The following KAZN variants were observed in gnomAD, a reference collection of about 807,000 sequenced individuals.
The protein encoded by KAZN is kazrin, periplakin interacting protein.
KAZN carries 40 observed loss-of-function variants against 87.4 expected under a neutral mutation model. The observed-to-expected ratio is 0.46, with a 90% CI of 0.36 to 0.60. KAZN has a LOEUF of 0.60. Ranked by LOEUF, KAZN falls within the 20% of genes least tolerant of loss-of-function variation. KAZN has a pLI of 0.00. For synonymous variants in KAZN, 466 were observed against 458.3 expected (o/e 1.02, Z -0.22); for missense variants, 898 against 1,073.9 (o/e 0.84, Z 2.29).
intron 2 of KAZN, among the ~76,000 whole-genome samples, chr1:14,446,276 C>T (rs74059516): frequency 0.028 from 4,336 of 152,192 alleles, 220 homozygotes; most frequent in African/African-American, 0.098. Flanking sequence ...ATTGGCCACA[C>T]ACAAAAAATT....
intron 2 of KAZN, among the ~76,000 whole-genome samples, chr1:14,990,569 C>G (rs1181565792): frequency 6.6e-6 from 1 of 152,130 alleles, no homozygotes; most frequent in Admixed American, 6.5e-5. Flanking sequence ...CACAGCCATG[C>G]CCATTTGTTT....
At chr1:14,855,875 G>T (rs996458193) in intron 1 of KAZN, among the ~76,000 whole-genome samples, 1 of 152,228 alleles carries the variant, frequency 6.6e-6, no homozygotes, top group African/African-American at 2.4e-5. Context: ...GTTTCCAGGG[G>T]AAAGAGAGGA....
chr1:14,003,283 T>C (rs529102407), intron 1 of KAZN, among the ~76,000 whole-genome samples: 16 of 151,904 alleles, frequency 1.1e-4, no homozygotes, highest in African/African-American at 3.4e-4. Flanking sequence ...TATACCTATG[T>C]AACAAACCTA....
At chr1:14,242,328 GA>G (rs1233456692) in intron 2 of KAZN, among the ~76,000 whole-genome samples, 1 of 152,162 alleles carries the variant, frequency 6.6e-6, no homozygotes, top group Non-Finnish European at 1.5e-5. Context: ...GCAAGAGGGT[GA>G]CCCCAGAGAG....
chr1:14,488,289 T>C (rs567986468), intron 2 of KAZN, among the ~76,000 whole-genome samples: 3 of 152,236 alleles, frequency 2.0e-5, no homozygotes, highest in East Asian at 3.9e-4. Flanking sequence ...GCCTGAGATG[T>C]TGGGGAGAGA....
intron 1 of KAZN, among the ~76,000 whole-genome samples, chr1:14,937,235 G>A (rs2311968): frequency 0.13 from 19,049 of 152,258 alleles, 1,331 homozygotes; most frequent in Middle Eastern, 0.17. Flanking sequence ...CTTGCTAGGT[G>A]TTATAGGACC....
chr1:15,034,304 G>A lies in KAZN; in HGVS notation c.419-445G>A, dbSNP rs572834819. Among the ~76,000 whole-genome samples, 7 of 152,262 alleles carry A rather than the reference G, an allele frequency of 4.6e-5. No homozygotes were observed. The East Asian group carries it at 7.7e-4, about 17-fold the overall frequency. The stretch of plus-strand genomic sequence containing the variant: ...TTTTTAACGTAATACTTCTCCCCAC[G>A]GAAGAAATGAGGCAGGAGGGGCTGT... On this transcript the variant is annotated intron_variant, in intron 2 of 14. Transcript: ENST00000376030.
At position 14,352,378 on chromosome 1, in the gene KAZN, A is replaced by G. The variant is rs1001349144; in HGVS notation, c.249+171786A>G. ...AAAGGGCCCTTAGGTAGAGGAAATA[A>G]TATAATATGGTCTTCCCTGAGTCCA... On this transcript the variant is annotated intron_variant, in intron 2 of 16. Coordinates refer to the KAZN transcript ENST00000636203. Among the ~76,000 whole-genome samples the G allele has an allele frequency of 3.9e-5, 6 of 152,272 alleles. No individual in the cohort carries two copies. The East Asian group carries it at 1.2e-3, about 29-fold the overall frequency.
intron 2 of KAZN, among the ~76,000 whole-genome samples, chr1:14,396,583 T>A (rs1190208280): frequency 2.0e-5 from 3 of 152,250 alleles, no homozygotes; most frequent in Admixed American, 6.5e-5. Context: ...ATAATTAGCT[T>A]GGCTCTGCCA....
At chr1:14,539,515 T>G (rs1408119033) in intron 2 of KAZN, among the ~76,000 whole-genome samples, 1 of 152,050 alleles carries the variant, frequency 6.6e-6, no homozygotes, top group Non-Finnish European at 1.5e-5. Flanking sequence ...GGTGAAGGGG[T>G]CTATGGAATT....
chr1:14,779,335 G>GC (rs1371658251), intron 1 of KAZN, among the ~76,000 whole-genome samples: 3 of 152,244 alleles, frequency 2.0e-5, no homozygotes, highest in Admixed American at 6.5e-5. Flanking sequence ...GGCAGTGTGG[G>GC]CCCCCCGGCT....
intron 2 of KAZN, among the ~76,000 whole-genome samples, chr1:15,002,115 T>C (rs1242249117): frequency 6.6e-6 from 1 of 151,836 alleles, no homozygotes; most frequent in Non-Finnish European, 1.5e-5. Flanking sequence ...CTCCTGACCT[T>C]GTGATCCACC....
intron 2 of KAZN, among the ~76,000 whole-genome samples, chr1:14,429,766 A>G (rs575321305): frequency 3.9e-5 from 6 of 152,266 alleles, no homozygotes; most frequent in African/African-American, 9.6e-5. Context: ...CGTCGTCGTC[A>G]TCATCATCGT....
intron 1 of KAZN, among the ~76,000 whole-genome samples, chr1:14,871,723 C>A (rs1189954219): frequency 1.3e-5 from 2 of 149,464 alleles, no homozygotes; most frequent in Admixed American, 1.3e-4. Context: ...GGTGTTAATT[C>A]TTTGACTGCA....
intron 8 of KAZN, among the ~76,000 whole-genome samples, chr1:15,073,479 G>T (rs1236625604): frequency 2.7e-5 from 4 of 150,034 alleles, no homozygotes; most frequent in Admixed American, 1.3e-4. Flanking sequence ...GGCAACCCCA[G>T]GGTCCCCCCA....
chr1:14,651,006 A>G (rs1036576130), intron 1 of KAZN, among the ~76,000 whole-genome samples: 8 of 152,236 alleles, frequency 5.3e-5, no homozygotes, highest in African/African-American at 1.9e-4. Context: ...TGACTTTCCT[A>G]AAACTCCATG....
chr1:14,784,586 C>A (rs1645448316), intron 1 of KAZN, among the ~76,000 whole-genome samples: 1 of 152,110 alleles, frequency 6.6e-6, no homozygotes, highest in Non-Finnish European at 1.5e-5. Context: ...TGGTAAAACC[C>A]CGTCTCTACA....
intron 2 of KAZN, among the ~76,000 whole-genome samples, chr1:14,188,470 G>A (rs147114418): frequency 3.3e-5 from 5 of 152,158 alleles, no homozygotes; most frequent in East Asian, 1.9e-4. Context: ...CAGAGGAACC[G>A]GGATCTCAGG....
chr1:14,989,560 A>G (rs1438845178), intron 2 of KAZN, among the ~76,000 whole-genome samples: 2 of 152,276 alleles, frequency 1.3e-5, no homozygotes, highest in Non-Finnish European at 2.9e-5. Flanking sequence ...AGTACATTGG[A>G]GGGGTTGAGA....
Sources: gnomAD v4.1 joint callset for allele counts (sites outside exome capture counted in the v4.1 genomes callset) on GRCh38, gnomAD v4.1.1 for gene constraint, MANE v1.5 for transcripts, NCBI Gene and HGNC (gene_info 2026-07-23, HGNC 2026-07-21) for gene names.